N4BP2: variants seen among roughly 807,000 people sequenced by gnomAD.
The protein encoded by N4BP2 is NEDD4-binding protein 2.
N4BP2 carries 91 observed loss-of-function variants against 152.8 expected under a neutral mutation model. The observed-to-expected ratio is 0.60, with a 90% CI of 0.50 to 0.71. The LOEUF (loss-of-function observed/expected upper bound fraction) is 0.71. N4BP2 is among the 30% of genes least tolerant of loss of function. The pLI is 0.00. For missense variants in N4BP2, 1,923 were observed against 2,059.1 expected, an observed-to-expected ratio of 0.93 and a Z score of 1.28; for synonymous variants, 646 against 705.3, an observed-to-expected ratio of 0.92 and a Z score of 1.33.
In N4BP2 at chr4:40,097,297, A is replaced by G. The variant is rs767372994; in HGVS notation, c.-44A>G. The G allele has an allele frequency of 6.5e-7, 1 of 1,537,266 alleles. No homozygotes were observed. Among genetic ancestry groups the G allele is most frequent in the Non-Finnish European group, 9.0e-7 (1 of 1,112,136 alleles). ...TTGAATTATGACTTAAATGTCAAAC[A>G]TCTTAACTAAGAAAAGGGAAACATT... On this transcript the variant is annotated 5_prime_UTR_variant, in exon 3 of 18. Transcript: ENST00000261435.
chr4:40,160,332 C>G (rs116290436), downstream of N4BP2, among the ~76,000 whole-genome samples: 2 of 152,144 alleles, frequency 1.3e-5, no homozygotes, highest in Non-Finnish European at 2.9e-5. Context: ...ACGTATTTTT[C>G]GATTTTGTGA....
At chr4:40,182,820 G>A in the N4BP2 span, among the ~76,000 whole-genome samples, 2 of 151,962 alleles carry the variant, frequency 1.3e-5, no homozygotes, top group Non-Finnish European at 2.9e-5. Context: ...GGGATTACAG[G>A]CACCTGTCAC....
chr4:40,101,686 A>T (rs1715670245), intron 3 of N4BP2, among the ~76,000 whole-genome samples: 1 of 152,182 alleles, frequency 6.6e-6, no homozygotes, highest in African/African-American at 2.4e-5. Context: ...AATACTTAAT[A>T]TTTAAAAGTT....
At chr4:40,176,358 CA>C in the N4BP2 span, among the ~76,000 whole-genome samples, 1 of 152,132 alleles carries the variant, frequency 6.6e-6, no homozygotes, top group Non-Finnish European at 1.5e-5. Context: ...TCATGCTGAT[CA>C]AAATCTTCAC....
intron 7 of N4BP2, among the ~76,000 whole-genome samples, chr4:40,117,167 G>A (rs981350139): frequency 5.3e-5 from 8 of 151,984 alleles, no homozygotes; most frequent in Admixed American, 2.6e-4. Context: ...CATTGCTTCC[G>A]TCCCATGCAT....
rs1425392999 is a variant in N4BP2 at position 40,075,123 on chromosome 4, G to A, written c.-115+1572G>A. On this transcript the variant is annotated intron_variant, in intron 2 of 17. Transcript: ENST00000261435. The stretch of plus-strand genomic sequence containing the variant: ...TGTTTTATGTGTGGTACTATGCATA[G>A]TACCATTTTGGCGTATATATCATGA... Among the ~76,000 whole-genome samples, 3 of 152,034 alleles carry A rather than the reference G, an allele frequency of 2.0e-5. No individual in the cohort carries two copies. In the East Asian group the frequency reaches 5.8e-4, roughly 29 times the overall value.
chr4:40,100,197 T>G, intron 3 of N4BP2: 1 of 424,256 alleles, frequency 2.4e-6, no homozygotes, highest in Non-Finnish European at 4.8e-6. Flanking sequence ...TTGTTGAAAG[T>G]GTCATAGCCA....
chr4:40,111,062 T>C (rs1224500850), intron 5 of N4BP2, among the ~76,000 whole-genome samples: 1 of 152,170 alleles, frequency 6.6e-6, no homozygotes, highest in Non-Finnish European at 1.5e-5. Context: ...ACATTGTGTG[T>C]GTGTATATTT....
At chr4:40,160,631 G>A (rs1000153325), downstream of N4BP2, among the ~76,000 whole-genome samples, 4 of 152,196 alleles carry the variant, frequency 2.6e-5, no homozygotes, top group African/African-American at 9.7e-5. Flanking sequence ...TGACCCCATT[G>A]TAAGTTGAGG....
intron 5 of N4BP2, among the ~76,000 whole-genome samples, chr4:40,109,108 C>T (rs1459141360): frequency 6.6e-6 from 1 of 152,158 alleles, no homozygotes. Flanking sequence ...AGCCACCACA[C>T]CTGGCCCTCA....
Position 40,120,928 on chromosome 4 carries a change from G to C in N4BP2, c.2817G>C (p.Lys939Asn). The C allele has an allele frequency of 6.2e-7, 1 of 1,614,102 alleles. No homozygotes were observed. The highest frequency in any genetic ancestry group is 1.1e-5 in the South Asian group (1 of 91,078). ...GGGGCACAAGCTCTCAAAAACTAAAGACATTGGGTAGCTCCAATCTAGGAA... is the reference window on the plus strand; with the variant it reads ...GGGGCACAAGCTCTCAAAAACTAAACACATTGGGTAGCTCCAATCTAGGAA... ...ACWGTSSQKL[K>N]TLGSSNLGSS... The change falls in exon 9 of 18, where the codon AAG becomes AAC. Residue 939 changes from lysine to asparagine, a missense_variant. Lys to Asn is a moderately conservative substitution (Grantham distance 94, BLOSUM62 0). Coordinates refer to ENST00000261435, the MANE Select transcript of N4BP2 (RefSeq NM_018177.6).
At chr4:40,085,864 T>C (rs1713891151) in intron 2 of N4BP2, among the ~76,000 whole-genome samples, 1 of 152,114 alleles carries the variant, frequency 6.6e-6, no homozygotes, top group Non-Finnish European at 1.5e-5. Flanking sequence ...GTTGTTGGTA[T>C]AAAGAAATAT....
At position 40,120,682 on chromosome 4, in the gene N4BP2, T is replaced by G. The variant is rs1717806288; in HGVS notation, c.2571T>G (p.Asp857Glu). The part of the protein sequence containing the change: ...SVEDGRKSQC[D>E]DASEPLNSYK... ...AGGATGGCAGAAAGTCACAGTGTGA[T>G]GATGCTTCAGAGCCACTCAATAGCT... The change falls in exon 9 of 18, where the codon GAT becomes GAG. Residue 857 changes from aspartate (D) to glutamate (E), a missense_variant. Physicochemically the swap from Asp to Glu is conservative, Grantham distance 45 (BLOSUM62 2). Coordinates refer to ENST00000261435, the MANE Select transcript of N4BP2 (RefSeq NM_018177.6). 1 of 1,614,124 alleles carries G rather than the reference T, an allele frequency of 6.2e-7. No homozygotes were observed. Among genetic ancestry groups the G allele is most frequent in the African/African-American group, 1.3e-5 (1 of 75,056 alleles).
chr4:40,097,547 G>A lies in N4BP2; in HGVS notation c.207G>A (p.Met69Ile), dbSNP rs780194131. 5 of 1,612,002 alleles carry A rather than the reference G, an allele frequency of 3.1e-6. No individual in the cohort carries two copies. The South Asian group carries it at 4.4e-5, about 14-fold the overall frequency. ...TGGATCCTGATGTAGTGTATTTGAT[G>A]CTTTCTGAATGTGATTTCAAAGGTG... ...SDLDPDVVYL[M>I]LSECDFKVEN... Residue 69 changes from methionine (M) to isoleucine (I), a missense_variant, in exon 3 of 18, where the codon ATG becomes ATA. Coordinates refer to ENST00000261435, the MANE Select transcript of N4BP2 (RefSeq NM_018177.6).
chr4:40,127,198 T>A (rs79667551), intron 12 of N4BP2, among the ~76,000 whole-genome samples: 344 of 151,144 alleles, frequency 2.3e-3, no homozygotes, highest in African/African-American at 7.9e-3. Flanking sequence ...CGGCTGCATC[T>A]TCTTCTTCTT....
At chr4:40,124,782 G>C (rs1481255751) in intron 11 of N4BP2, among the ~76,000 whole-genome samples, 1 of 152,212 alleles carries the variant, frequency 6.6e-6, no homozygotes, top group African/African-American at 2.4e-5. Flanking sequence ...AGCATTTCCT[G>C]TTGAGGTTTT....
At chr4:40,071,158 T>TCTACTCTGCCTCTCCTTCC (rs899863161) in intron 1 of N4BP2, among the ~76,000 whole-genome samples, 11 of 152,298 alleles carry the variant, frequency 7.2e-5, no homozygotes, top group Middle Eastern at 3.4e-3. Flanking sequence ...CACCTCCTTC[T>TCTACTCTGCCTCTCCTTCC]CTACTCTGCC....
chr4:40,142,800 G>T lies in N4BP2; in HGVS notation c.4913G>T (p.Ser1638Ile). ...CAACAGAAGAGGATGGAGTGCTACA[G>T]CAAGGCCAAAGAAGCTTATCGGATA... is the stretch of plus-strand genomic sequence containing the variant. ...LHQQKRMECY[S>I]KAKEAYRIGK... Residue 1638 changes from serine to isoleucine, a missense_variant, in exon 15 of 18, where the codon AGC becomes ATC. Physicochemically the swap from Ser to Ile is moderately radical, Grantham distance 142. Coordinates refer to ENST00000261435, the MANE Select transcript of N4BP2 (RefSeq NM_018177.6). 1 of 1,614,118 alleles carries T rather than the reference G, an allele frequency of 6.2e-7. No homozygotes were observed. Among genetic ancestry groups the T allele is most frequent in the Non-Finnish European group, 8.5e-7 (1 of 1,180,028 alleles).
chr4:40,077,611 A>G (rs1282835945), intron 2 of N4BP2, among the ~76,000 whole-genome samples: 2 of 151,118 alleles, frequency 1.3e-5, no homozygotes, highest in African/African-American at 4.9e-5. Context: ...CGGCCACCAC[A>G]CTCGACTAAT....
Sources: allele counts gnomAD v4.1 joint callset (sites outside exome capture counted in the v4.1 genomes callset), GRCh38; gene constraint gnomAD v4.1.1; transcripts MANE v1.5; gene names NCBI Gene and HGNC (gene_info 2026-07-23, HGNC 2026-07-21).